The following NTRK3 variants were observed in gnomAD, a reference collection of about 807,000 sequenced individuals.
NTRK3 encodes the protein neurotrophic receptor tyrosine kinase 3, also known as NT-3 growth factor receptor.
In NTRK3, 24 loss-of-function variants were observed where a neutral mutation model predicts 91.7. That is an observed-to-expected ratio of 0.26 (90% CI 0.19 to 0.37). The LOEUF is 0.37. Among genes scored for constraint, NTRK3 ranks in the 10% least tolerant of loss-of-function variants. The probability of loss-of-function intolerance (pLI) is 1.00; values close to 1 mark genes in which losing one functional copy is unlikely to be tolerated. For synonymous variants in NTRK3, 483 were observed against 404.0 expected (o/e 1.20, Z -2.34); for missense variants, 880 against 1,068.9 (o/e 0.82, Z 2.46).
At chr15:88,082,382 A>G (rs1177205609) in intron 13 of NTRK3, among the ~76,000 whole-genome samples, 1 of 152,164 alleles carries the variant, frequency 6.6e-6, no homozygotes, top group East Asian at 1.9e-4. Context: ...AACAGATCAC[A>G]TACATGCAAT....
chr15:88,112,414 G>A (rs1241641348), intron 13 of NTRK3, among the ~76,000 whole-genome samples: 2 of 152,228 alleles, frequency 1.3e-5, no homozygotes, highest in African/African-American at 4.8e-5. Flanking sequence ...ATGAGCCCCA[G>A]AGGCTGAATT....
exon 19 of NTRK3, chr15:87,868,829 G>C (rs1277194121): frequency 4.5e-6 from 1 of 222,882 alleles, no homozygotes; most frequent in East Asian, 6.5e-5. Flanking sequence ...CCAGTTGGGA[G>C]AAACAGGAGC....
chr15:87,958,383 C>T (rs1165201945), intron 14 of NTRK3, among the ~76,000 whole-genome samples: 4 of 152,130 alleles, frequency 2.6e-5, no homozygotes, highest in Admixed American at 6.5e-5. Context: ...GAAGGATGCT[C>T]AGATATCATC....
chr15:88,197,569 T>C (rs1445278616), intron 3 of NTRK3, among the ~76,000 whole-genome samples: 3 of 152,180 alleles, frequency 2.0e-5, no homozygotes, highest in Admixed American at 1.3e-4. Context: ...ACAGACCCTT[T>C]GAGGACAGAA....
chr15:87,949,079 G>T (rs1289416534), intron 14 of NTRK3, among the ~76,000 whole-genome samples: 1 of 152,004 alleles, frequency 6.6e-6, no homozygotes, highest in Non-Finnish European at 1.5e-5. Context: ...TATGATGAAT[G>T]GGCAAATAAA....
At chr15:87,887,243 G>A (rs779901390) in intron 17 of NTRK3, among the ~76,000 whole-genome samples, 16 of 152,136 alleles carry the variant, frequency 1.1e-4, no homozygotes, top group Non-Finnish European at 2.4e-4. Context: ...TTCTAACCAA[G>A]CAGCACAACC....
At chr15:88,135,487 T>C (rs2041787031) in intron 9 of NTRK3, 90 bp from the exon 10 acceptor site, 2 of 1,415,458 alleles carry the variant, frequency 1.4e-6, no homozygotes, top group Non-Finnish European at 1.9e-6. Flanking sequence ...GAATCCCGGT[T>C]CTTCCCCACC....
At chr15:87,939,516 G>T (rs2142006770) in intron 15 of NTRK3, among the ~76,000 whole-genome samples, 1 of 152,258 alleles carries the variant, frequency 6.6e-6, no homozygotes, top group South Asian at 2.1e-4. Flanking sequence ...GAGGCTATTT[G>T]CCCTCTGTGG....
intron 14 of NTRK3, among the ~76,000 whole-genome samples, chr15:88,017,867 G>T (rs1003790884): frequency 7.9e-5 from 12 of 152,172 alleles, no homozygotes; most frequent in Non-Finnish European, 1.5e-4. Context: ...ACCAATCAAT[G>T]AGCCATTAGG....
chr15:88,090,777 C>G (rs1023037301), intron 13 of NTRK3, among the ~76,000 whole-genome samples: 3 of 152,144 alleles, frequency 2.0e-5, no homozygotes, highest in African/African-American at 4.8e-5. Context: ...TCCTTCTGCC[C>G]AGGGGCCGAA....
intron 9 of NTRK3, 68 bp from the exon 10 acceptor site, chr15:88,135,465 C>T: frequency 6.5e-7 from 1 of 1,546,386 alleles, no homozygotes; most frequent in South Asian, 1.2e-5. Flanking sequence ...AGCCTTCCAG[C>T]AACTAAAATG....
chr15:88,035,444 A>G (rs1400483279), intron 13 of NTRK3, among the ~76,000 whole-genome samples: 1 of 152,160 alleles, frequency 6.6e-6, no homozygotes, highest in Non-Finnish European at 1.5e-5. Flanking sequence ...CTCATCTCAT[A>G]CCAGCACCCT....
intron 3 of NTRK3, among the ~76,000 whole-genome samples, chr15:88,225,670 C>G (rs2050609111): frequency 6.6e-6 from 1 of 152,184 alleles, no homozygotes; most frequent in Non-Finnish European, 1.5e-5. Context: ...TCAGTACAAG[C>G]CAGGCACAGC....
intron 3 of NTRK3, chr15:88,210,180 G>A: frequency 6.6e-6 from 1 of 152,198 alleles, no homozygotes; most frequent in East Asian, 1.9e-4. Flanking sequence ...AAGAGGGAAT[G>A]AAGGGAGCCC....
At position 88,169,196 on chromosome 15, in the gene NTRK3, C is replaced by T. The variant is rs79023583; in HGVS notation, c.395+14222G>A. On this transcript the variant is annotated intron_variant, in intron 5 of 18. Coordinates refer to ENST00000394480, the Ensembl canonical transcript of NTRK3. Reference sequence around the variant, plus strand: ...CCTAGGTTTCTGCATGGGCCTCACACTCACCCAGCAGACTAAGGCAGGGAG... The same window carrying T: ...CCTAGGTTTCTGCATGGGCCTCACATTCACCCAGCAGACTAAGGCAGGGAG... Among the ~76,000 whole-genome samples the T allele has an allele frequency of 2.7e-3, 417 of 152,296 alleles. 7 individuals are homozygous for T. In the East Asian group the frequency reaches 0.033, roughly 12 times the overall value.
chr15:87,981,090 T>C (rs772886928), intron 14 of NTRK3: 388 of 1,370,204 alleles, frequency 2.8e-4, no homozygotes, highest in Non-Finnish European at 2.9e-4. Flanking sequence ...TAGTACCAAA[T>C]CCCGTGCTGG....
intron 3 of NTRK3, among the ~76,000 whole-genome samples, chr15:88,193,401 A>C (rs1327215254): frequency 6.6e-6 from 1 of 152,096 alleles, no homozygotes; most frequent in Non-Finnish European, 1.5e-5. Context: ...TCCCAGGCCC[A>C]GGTCTCAGCT....
chr15:87,933,250 G>T, intron 15 of NTRK3, 66 bp from the exon 16 acceptor site: 1 of 1,527,018 alleles, frequency 6.5e-7, no homozygotes, highest in South Asian at 1.1e-5. Flanking sequence ...TTCTACTCCT[G>T]GAAAGAAACT....
intron 17 of NTRK3, chr15:87,916,625 A>G: frequency 1.4e-6 from 1 of 699,598 alleles, no homozygotes. Context: ...AGTTTAGGAG[A>G]TAACTAGAAA....
Sources: gnomAD v4.1 joint callset for allele counts (sites outside exome capture counted in the v4.1 genomes callset) on GRCh38, gnomAD v4.1.1 for gene constraint, MANE v1.5 for transcripts, NCBI Gene and HGNC (gene_info 2026-07-23, HGNC 2026-07-21) for gene names.